NLRX1: variants seen among roughly 807,000 people sequenced by gnomAD.
NLRX1 encodes the protein NLR family member X1.
A neutral mutation model predicts 74.2 loss-of-function variants in NLRX1; 67 were observed. The observed-to-expected ratio is 0.90, with a 90% CI of 0.74 to 1.11. NLRX1 has a LOEUF of 1.11. NLRX1 is among the 50% of genes least tolerant of loss of function. The pLI is 0.00. For missense variants in NLRX1, 1,191 were observed against 1,305.4 expected, an observed-to-expected ratio of 0.91 and a Z score of 1.35; for synonymous variants, 506 against 559.1, an observed-to-expected ratio of 0.91 and a Z score of 1.34.
At position 119,179,835 on chromosome 11, in the gene NLRX1, A is replaced by C; in HGVS notation, c.1814A>C (p.Glu605Ala). 6.2e-7 allele frequency: 1 copy of C among 1,614,066 alleles called. No homozygotes were observed. The highest frequency in any genetic ancestry group is 8.5e-7 in the Non-Finnish European group (1 of 1,179,980). ...DQMGASILGV[E>A]GPRRHPDEPP... ...ATGGGCGCCAGTATCCTGGGCGTGG[A>C]GGGCCCCCGGCGCCACCCAGATGAG... is the stretch of plus-strand genomic sequence containing the variant. The change falls in exon 7 of 10, where the codon GAG (glutamate) becomes GCG (alanine). Residue 605 changes from glutamate to alanine, a missense_variant. Transcript: ENST00000409109.
Position 119,173,805 on chromosome 11 carries a change from G to A in NLRX1, c.556G>A (p.Gly186Arg). ...CAAGATGGTTCTGGACTGGTGTTAT[G>A]GGCGGCTGCCGGCCTTCGAGCTGCT... The part of the protein sequence containing the change: ...VRKMVLDWCY[G>R]RLPAFELLIP... The change falls in exon 5 of 10, where the codon GGG becomes AGG. Residue 186 changes from glycine (G) to arginine (R), a missense_variant. Gly to Arg is a moderately radical substitution (Grantham distance 125). Transcript: ENST00000409109. The surrounding 1 kb of genome is among the most constrained non-coding windows in gnomAD (Gnocchi z 4.0). 1 of 1,613,546 alleles carries A rather than the reference G, an allele frequency of 6.2e-7. No homozygotes were observed. The highest frequency in any genetic ancestry group is 8.5e-7 in the Non-Finnish European group (1 of 1,180,026).
At position 119,179,925 on chromosome 11, in the gene NLRX1, A is replaced by G. The variant is rs150740182; in HGVS notation, c.1904A>G (p.Asn635Ser). Residue 635 changes from asparagine (N) to serine (S), a missense_variant, in exon 7 of 10, where the codon AAC becomes AGC. Asn to Ser is a conservative substitution (Grantham distance 46). Coordinates refer to ENST00000409109, the MANE Select transcript of NLRX1 (RefSeq NM_001282144.2). ...MFMGGLLSAH[N>S]RAVLAQLGCP... ...ATGGGGGGGCTTCTCTCTGCCCACAACCGAGCTGTGCTAGCTCAGCTTGGC... is the reference window on the plus strand; with the variant it reads ...ATGGGGGGGCTTCTCTCTGCCCACAGCCGAGCTGTGCTAGCTCAGCTTGGC... 40 of 1,611,822 alleles carry G rather than the reference A, an allele frequency of 2.5e-5. No homozygotes were observed. The African/African-American group carries it at 3.7e-4, about 15-fold the overall frequency.
intron 2 of NLRX1, 113 bp downstream of exon 2, chr11:119,171,586 T>C: frequency 1.4e-6 from 1 of 708,764 alleles, no homozygotes; most frequent in Admixed American, 2.6e-5. Flanking sequence ...CTCAGCTCCG[T>C]GGTTCTCTAG....
At chr11:119,175,870 G>A (rs1948691588) in intron 6 of NLRX1, among the ~76,000 whole-genome samples, 2 of 152,196 alleles carry the variant, frequency 1.3e-5, no homozygotes, top group South Asian at 4.1e-4. Flanking sequence ...AGGTCTTTGA[G>A]GGCTGGAAGG....
At position 119,173,814 on chromosome 11, in the gene NLRX1, C is replaced by T; in HGVS notation, c.565C>T (p.Pro189Ser). ...TCTGGACTGGTGTTATGGGCGGCTG[C>T]CGGCCTTCGAGCTGCTCATCCCCTT... ...MVLDWCYGRLPAFELLIPFSC... is the reference protein window; with the variant it reads ...MVLDWCYGRLSAFELLIPFSC... The change falls in exon 5 of 10, where the codon CCG becomes TCG. Residue 189 changes from proline to serine, a missense_variant. By Grantham distance (74) the Pro-to-Ser change is moderately conservative (BLOSUM62 -1). Transcript: ENST00000409109. This position sits in a 1 kb window ranked among gnomAD's most constrained non-coding sequence, Gnocchi z 4.0. The T allele has an allele frequency of 6.2e-7, 1 of 1,613,524 alleles. No individual in the cohort carries two copies.
intron 5 of NLRX1, 46 bp downstream of exon 5, chr11:119,174,144 G>A (rs762371431): frequency 9.4e-6 from 15 of 1,590,108 alleles, no homozygotes; most frequent in South Asian, 1.1e-5. Context: ...CCGTTGACTC[G>A]CCCCCTAGGT....
rs942213617 is a variant in NLRX1 at position 119,173,101 on chromosome 11, T to A, written c.229+112T>A. The A allele has an allele frequency of 1.0e-5, 8 of 785,078 alleles. No individual in the cohort carries two copies. The African/African-American group carries it at 1.4e-4, about 13-fold the overall frequency. The allele number at this position is 785,078 out of a possible 1,614,324, so 48.6% of individuals were successfully genotyped here. A position where few individuals can be genotyped will look rare whatever the true frequency, so the allele number is the denominator to read the frequency against. ...ATCCACTGCCATCTTCCATCGGTGG[T>A]CCCTCCTCCTCTCTCTCTCTCCCTC... On this transcript the variant is annotated intron_variant, in intron 4 of 9. Transcript: ENST00000409109. This position sits in a 1 kb window ranked among gnomAD's most constrained non-coding sequence, Gnocchi z 4.0.
At chr11:119,181,137 C>G in intron 7 of NLRX1, 34 bp from the exon 8 acceptor site, 384 of 1,449,248 alleles carry the variant, frequency 2.6e-4, no homozygotes, top group Non-Finnish European at 3.4e-4. Context: ...CCTCCCTGGT[C>G]TCTCACCTCC....
rs760234616 is a variant in NLRX1 at position 119,180,220 on chromosome 11, C to T, written c.2199C>T (p.Ala733=). 2 of 1,611,210 alleles carry T rather than the reference C, an allele frequency of 1.2e-6. No homozygotes were observed. Among genetic ancestry groups the T allele is most frequent in the East Asian group, 2.2e-5 (1 of 44,772 alleles). The change falls in exon 7 of 10, where the codon GCC becomes GCT. Residue 733 remains alanine (A), a synonymous_variant. Transcript: ENST00000409109. ...ATGCCCTGGATGAGGTGAACTTGGCCTCCTGCCAGCTAGATCCTGCTGGGC... is the reference window on the plus strand; with the variant it reads ...ATGCCCTGGATGAGGTGAACTTGGCTTCCTGCCAGCTAGATCCTGCTGGGC... The part of the protein sequence containing the change: ...GRHALDEVNL[A]SCQLDPAGLR...
chr11:119,173,515 G>T lies in NLRX1; in HGVS notation c.266G>T (p.Trp89Leu). ...CGGCACCGCCGGAACCTGGCTGAGT[G>T]GTTCAGCCGGCTGCCCAGGGAGGAG... ...IQRHRRNLAE[W>L]FSRLPREERQ... The change falls in exon 5 of 10, where the codon TGG becomes TTG. Residue 89 changes from tryptophan (W) to leucine (L), a missense_variant. Transcript: ENST00000409109. The surrounding 1 kb of genome is among the most constrained non-coding windows in gnomAD (Gnocchi z 4.0). 6.2e-7 allele frequency: 1 copy of T among 1,614,060 alleles called. No homozygotes were observed. The highest frequency in any genetic ancestry group is 8.5e-7 in the Non-Finnish European group (1 of 1,180,014).
intron 7 of NLRX1, 139 bp from the exon 8 acceptor site, chr11:119,181,032 C>A (rs1592336238): frequency 4.5e-6 from 3 of 663,386 alleles, no homozygotes; most frequent in African/African-American, 1.8e-5. Flanking sequence ...CAGAGTGAGA[C>A]CCTGTCTCTC....
In NLRX1 at chr11:119,175,011, C is replaced by T. The variant is rs550121376; in HGVS notation, c.1408C>T (p.Arg470Cys). ...EEEFQLLHIF[R>C]RDALRFFLAP... Reference sequence around the variant, plus strand: ...GGAGTTTCAGCTGCTGCACATCTTCCGTCGGGATGCCCTGAGGTTTTTCCT... The same window carrying T: ...GGAGTTTCAGCTGCTGCACATCTTCTGTCGGGATGCCCTGAGGTTTTTCCT... The change falls in exon 6 of 10, where the codon CGT (arginine) becomes TGT (cysteine). Residue 470 changes from arginine to cysteine, a missense_variant. By Grantham distance (180) the Arg-to-Cys change is radical (BLOSUM62 -3). Coordinates refer to ENST00000409109, the MANE Select transcript of NLRX1 (RefSeq NM_001282144.2). The T allele has an allele frequency of 2.7e-5, 44 of 1,614,138 alleles. 1 individual carries two copies. The highest frequency in any genetic ancestry group is 1.5e-4 in the South Asian group (14 of 91,092).
In NLRX1 at chr11:119,174,486, A is replaced by T. The variant is rs1401553460; in HGVS notation, c.883A>T (p.Ile295Phe). The change falls in exon 6 of 10, where the codon ATT (isoleucine) becomes TTT (phenylalanine). Residue 295 changes from isoleucine (I) to phenylalanine (F), a missense_variant. Ile to Phe is a conservative substitution (Grantham distance 21, BLOSUM62 0). Coordinates refer to ENST00000409109, the MANE Select transcript of NLRX1 (RefSeq NM_001282144.2). ...TCTGGTGACCACTCGGCCCTCTGCC[A>T]TTGGCCGTATCCCCAGCAAGTACGT... The part of the protein sequence containing the change: ...SILVTTRPSA[I>F]GRIPSKYVGR... 6 of 1,614,052 alleles carry T rather than the reference A, an allele frequency of 3.7e-6. No individual in the cohort carries two copies. The African/African-American group carries it at 8.0e-5, about 22-fold the overall frequency.
intron 1 of NLRX1, among the ~76,000 whole-genome samples, 198 bp from the exon 2 acceptor site, chr11:119,171,158 G>A (rs1948536553): frequency 6.6e-6 from 1 of 152,198 alleles, no homozygotes; most frequent in Admixed American, 6.5e-5. Context: ...AAAGGTGGTA[G>A]GAGATAAAAT....
chr11:119,174,234 G>T, intron 5 of NLRX1, 136 bp downstream of exon 5: 1 of 1,224,050 alleles, frequency 8.2e-7, no homozygotes, highest in Non-Finnish European at 1.1e-6. Flanking sequence ...CCAGCCTTCT[G>T]TTCCTTTCTT....
chr11:119,178,290 C>A (rs1479143372), intron 6 of NLRX1, among the ~76,000 whole-genome samples: 2 of 152,180 alleles, frequency 1.3e-5, no homozygotes, highest in Non-Finnish European at 2.9e-5. Context: ...AGAACCATTG[C>A]AGGAATGGGG....
At chr11:119,180,919 T>C (rs936147045) in intron 7 of NLRX1, among the ~76,000 whole-genome samples, 4 of 152,014 alleles carry the variant, frequency 2.6e-5, no homozygotes, top group African/African-American at 9.7e-5. Flanking sequence ...CATGTAGCTA[T>C]CATCCCAGCT....
At chr11:119,180,321 A>C (rs1337804461) in intron 7 of NLRX1, 33 bp downstream of exon 7, 1 of 1,501,180 alleles carries the variant, frequency 6.7e-7, no homozygotes, top group Non-Finnish European at 9.0e-7. Context: ...AGGCATGAAG[A>C]GGGAAGAGGG....
intron 6 of NLRX1, among the ~76,000 whole-genome samples, chr11:119,176,516 G>T (rs915224972): frequency 6.6e-6 from 1 of 152,058 alleles, no homozygotes; most frequent in Non-Finnish European, 1.5e-5. Flanking sequence ...TCAGGAGTTT[G>T]AGACCAACCT....
Sources: allele counts gnomAD v4.1 joint callset (sites outside exome capture counted in the v4.1 genomes callset), GRCh38; gene constraint gnomAD v4.1.1; non-coding constraint Gnocchi (gnomAD v3.1); transcripts MANE v1.5; gene names NCBI Gene and HGNC (gene_info 2026-07-23, HGNC 2026-07-21).